NALF1: variants seen among roughly 807,000 people sequenced by gnomAD.
NALF1 encodes the protein NALCN channel auxiliary factor 1.
In NALF1, 3 loss-of-function variants were observed where a neutral mutation model predicts 48.4. The ratio of observed to expected loss-of-function variants is 0.06; its 90% confidence interval spans 0.03 to 0.16. The LOEUF (loss-of-function observed/expected upper bound fraction) is 0.16, where lower values mean the gene tolerates loss of function less well. Among genes scored for constraint, NALF1 ranks in the 10% least tolerant of loss-of-function variants. NALF1 has a pLI of 1.00. For synonymous variants in NALF1, 262 were observed against 245.7 expected (o/e 1.07, Z -0.62); for missense variants, 526 against 571.5 (o/e 0.92, Z 0.81).
intron 1 of NALF1, among the ~76,000 whole-genome samples, chr13:107,488,090 GTAT>G (rs985906693): frequency 9.9e-5 from 15 of 151,748 alleles, no homozygotes; most frequent in South Asian, 6.3e-4. Flanking sequence ...ATGGTTGTTT[GTAT>G]TTCTGTGGGG....
intron 1 of NALF1, among the ~76,000 whole-genome samples, chr13:107,438,605 C>T (rs933337657): frequency 6.6e-6 from 1 of 151,692 alleles, no homozygotes; most frequent in African/African-American, 2.4e-5. Flanking sequence ...AGATCAAGAC[C>T]ATCCTGGCTA....
chr13:107,493,214 A>G (rs138056470), intron 1 of NALF1, among the ~76,000 whole-genome samples: 1 of 152,332 alleles, frequency 6.6e-6, no homozygotes, highest in East Asian at 1.9e-4. Context: ...GCTGCTGGAT[A>G]AAGCAGAAAT....
rs9587406 is a variant in NALF1, at chr13:107,580,214, G to A, written c.915+285468C>T. On this transcript the variant is annotated intron_variant, in intron 1 of 2. Coordinates refer to ENST00000375915, the MANE Select transcript of NALF1 (RefSeq NM_001080396.3). ...TCACAAGAACAAAAAACCAAACACCGCATATTCTCACTCATAGGTGGGAAT... is the reference window on the plus strand; with the variant it reads ...TCACAAGAACAAAAAACCAAACACCACATATTCTCACTCATAGGTGGGAAT... Among the ~76,000 whole-genome samples, 287 of 152,152 alleles carry A rather than the reference G, an allele frequency of 1.9e-3. 1 individual carries two copies. Among genetic ancestry groups the A allele is most frequent in the African/African-American group, 6.4e-3 (265 of 41,514 alleles).
chr13:107,522,617 T>G (rs1876280395), intron 1 of NALF1, among the ~76,000 whole-genome samples: 1 of 151,982 alleles, frequency 6.6e-6, no homozygotes, highest in Non-Finnish European at 1.5e-5. Context: ...CAGATTTTTT[T>G]TTTTTTGAGA....
At chr13:107,313,146 A>T (rs546284542) in intron 1 of NALF1, among the ~76,000 whole-genome samples, 100 of 152,276 alleles carry the variant, frequency 6.6e-4, no homozygotes, top group African/African-American at 2.3e-3. Context: ...AAGTAAAAGA[A>T]ATGACCAAAA....
At chr13:107,224,810 GA>G (rs1453834685) in intron 1 of NALF1, among the ~76,000 whole-genome samples, 2 of 151,972 alleles carry the variant, frequency 1.3e-5, no homozygotes, top group Non-Finnish European at 2.9e-5. Context: ...TTAAAAATTA[GA>G]AAAGAAATTA....
chr13:107,521,817 T>A (rs1383064341), intron 1 of NALF1, among the ~76,000 whole-genome samples: 1 of 152,018 alleles, frequency 6.6e-6, no homozygotes, highest in Non-Finnish European at 1.5e-5. Context: ...AGACCACTTT[T>A]AATTCTGTAC....
chr13:107,409,603 T>C (rs1594047402), intron 1 of NALF1, among the ~76,000 whole-genome samples: 2 of 152,304 alleles, frequency 1.3e-5, no homozygotes, highest in Non-Finnish European at 2.9e-5. Flanking sequence ...ACATCAGTCG[T>C]GGTAAATCAG....
At chr13:107,278,680 A>G (rs1881328219) in intron 1 of NALF1, among the ~76,000 whole-genome samples, 1 of 152,246 alleles carries the variant, frequency 6.6e-6, no homozygotes, top group Admixed American at 6.5e-5. Flanking sequence ...TTAAGGGACA[A>G]GCATTGTTTG....
chr13:107,743,741 G>C (rs938105465), intron 1 of NALF1, among the ~76,000 whole-genome samples: 13 of 152,162 alleles, frequency 8.5e-5, no homozygotes, highest in African/African-American at 3.1e-4. Context: ...GCTTCTGTTT[G>C]CCTATGCGGT....
At chr13:107,319,164 T>G (rs1882206445) in intron 1 of NALF1, among the ~76,000 whole-genome samples, 1 of 152,086 alleles carries the variant, frequency 6.6e-6, no homozygotes, top group Non-Finnish European at 1.5e-5. Flanking sequence ...CTGGGCCAAC[T>G]GGTCCTCCGG....
chr13:107,263,979 G>A (rs563116524), intron 1 of NALF1, among the ~76,000 whole-genome samples: 51 of 152,240 alleles, frequency 3.3e-4, no homozygotes, highest in African/African-American at 8.4e-4. Context: ...TGGTTCACCC[G>A]GCCTTATGGA....
At chr13:107,463,159 T>C (rs1159739694) in intron 1 of NALF1, among the ~76,000 whole-genome samples, 1 of 152,184 alleles carries the variant, frequency 6.6e-6, no homozygotes, top group Non-Finnish European at 1.5e-5. Context: ...TGCTTTGTGA[T>C]TTTATATAAA....
intron 1 of NALF1, among the ~76,000 whole-genome samples, chr13:107,609,914 A>G (rs1478512566): frequency 6.6e-6 from 1 of 152,228 alleles, no homozygotes; most frequent in South Asian, 2.1e-4. Context: ...CAAAATTTTA[A>G]AAGGGGAAAA....
intron 1 of NALF1, among the ~76,000 whole-genome samples, chr13:107,576,060 G>C (rs1406122616): frequency 6.6e-6 from 1 of 151,970 alleles, no homozygotes; most frequent in Admixed American, 6.6e-5. Flanking sequence ...AACACATTTT[G>C]TGTCTCAGTC....
chr13:107,865,770 T>C lies in NALF1; in HGVS notation c.827A>G (p.Gln276Arg). 6.2e-7 allele frequency: 1 copy of C among 1,614,150 alleles called. No homozygotes were observed. Among genetic ancestry groups the C allele is most frequent in the Non-Finnish European group, 8.5e-7 (1 of 1,180,044 alleles). The stretch of plus-strand genomic sequence containing the variant: ...GCTTTCAAACTCTTCGTATTTCTCC[T>C]GAGCATGGTGGTCATAGTCCTGGTA... ...EAYQDYDHHA[Q>R]EKYEEFESVL... Residue 276 changes from glutamine (Q) to arginine (R), a missense_variant, in exon 1 of 3, where the codon CAG (glutamine) becomes CGG (arginine). Transcript: ENST00000375915.
intron 2 of NALF1, among the ~76,000 whole-genome samples, chr13:107,201,119 G>T (rs1879504670): frequency 6.6e-6 from 1 of 151,988 alleles, no homozygotes; most frequent in African/African-American, 2.4e-5. Context: ...CCCTTCCAAG[G>T]TCTATGATAT....
chr13:107,263,073 G>C (rs1880965745), intron 1 of NALF1, among the ~76,000 whole-genome samples: 1 of 152,098 alleles, frequency 6.6e-6, no homozygotes, highest in African/African-American at 2.4e-5. Context: ...ATCTGTCCTG[G>C]CTTGCCAGGG....
intron 1 of NALF1, among the ~76,000 whole-genome samples, chr13:107,714,314 G>T (rs1270108064): frequency 5.9e-5 from 9 of 152,032 alleles, no homozygotes; most frequent in Non-Finnish European, 1.2e-4. Flanking sequence ...CTGCTTCCTG[G>T]CTTCACACCA....
Sources: gnomAD v4.1 joint callset for allele counts (sites outside exome capture counted in the v4.1 genomes callset) on GRCh38, gnomAD v4.1.1 for gene constraint, MANE v1.5 for transcripts, NCBI Gene and HGNC (gene_info 2026-07-23, HGNC 2026-07-21) for gene names.